Variants in NR3C2 observed in about 807,000 individuals in gnomAD.
NR3C2 encodes nuclear receptor subfamily 3 group C member 2.
A neutral mutation model predicts 86.4 loss-of-function variants in NR3C2; 15 were observed. The observed-to-expected ratio is 0.17, with a 90% CI of 0.12 to 0.27. The LOEUF (loss-of-function observed/expected upper bound fraction) is 0.27. Among genes scored for constraint, NR3C2 ranks in the 10% least tolerant of loss-of-function variants. NR3C2 has a pLI of 1.00. For synonymous variants in NR3C2, 458 were observed against 450.5 expected (o/e 1.02, Z -0.21); for missense variants, 960 against 1,195.6 (o/e 0.80, Z 2.91).
rs1354579980 is a variant in NR3C2, at chr4:148,436,797, C to T, written c.64G>A (p.Val22Ile). 1 of 1,613,252 alleles carries T rather than the reference C, an allele frequency of 6.2e-7. No individual in the cohort carries two copies. Among genetic ancestry groups the T allele is most frequent in the African/African-American group, 1.3e-5 (1 of 74,906 alleles). ...GLDMERRWGQ[V>I]SQAVERSSLG... The stretch of plus-strand genomic sequence containing the variant: ...GAAGAACGCTCCACAGCCTGAGAAA[C>T]TTGACCCCACCGTCTTTCCATATCT... Residue 22 changes from valine to isoleucine, a missense_variant, in exon 2 of 9, where the codon GTT becomes ATT. Physicochemically the swap from Val to Ile is conservative, Grantham distance 29. Transcript: ENST00000358102.
chr4:148,341,681 T>C (rs1322633800), intron 2 of NR3C2, among the ~76,000 whole-genome samples: 1 of 152,106 alleles, frequency 6.6e-6, no homozygotes, highest in Admixed American at 6.5e-5. Context: ...TCATTACACA[T>C]TGTATGCATA....
intron 3 of NR3C2, among the ~76,000 whole-genome samples, chr4:148,202,109 C>G (rs1442784979): frequency 6.6e-6 from 1 of 152,200 alleles, no homozygotes; most frequent in Admixed American, 6.5e-5. Context: ...ACATTGGGAA[C>G]ATAGCCTTTT....
intron 8 of NR3C2, among the ~76,000 whole-genome samples, chr4:148,082,950 A>G (rs967261091): frequency 6.6e-6 from 1 of 152,004 alleles, no homozygotes; most frequent in African/African-American, 2.4e-5. Flanking sequence ...CAGTGTAAAC[A>G]GAGCCACCGG....
intron 8 of NR3C2, among the ~76,000 whole-genome samples, chr4:148,100,514 T>C (rs1036050621): frequency 5.3e-5 from 8 of 152,158 alleles, no homozygotes; most frequent in Admixed American, 4.6e-4. Context: ...AAAACTACAA[T>C]GAGTTACCAC....
chr4:148,202,199 C>T (rs1323027517), intron 3 of NR3C2, among the ~76,000 whole-genome samples: 2 of 152,228 alleles, frequency 1.3e-5, no homozygotes, highest in Admixed American at 6.5e-5. Context: ...CAGATTCCTT[C>T]CCGTCCCCAC....
At chr4:148,408,715 A>G (rs980601436) in intron 2 of NR3C2, among the ~76,000 whole-genome samples, 1 of 152,188 alleles carries the variant, frequency 6.6e-6, no homozygotes, top group African/African-American at 2.4e-5. Context: ...ACAGAAAATA[A>G]AAGTGTTAAG....
intron 2 of NR3C2, among the ~76,000 whole-genome samples, chr4:148,425,364 G>C (rs1339267457): frequency 1.3e-5 from 2 of 152,186 alleles, no homozygotes; most frequent in African/African-American, 4.8e-5. Context: ...GCTATGAAGA[G>C]AGACAAAGAA....
intron 2 of NR3C2, among the ~76,000 whole-genome samples, chr4:148,285,258 TTCTAA>T (rs1156416867): frequency 2.6e-5 from 4 of 152,228 alleles, no homozygotes; most frequent in Non-Finnish European, 4.4e-5. Flanking sequence ...ATTTAGGGTC[TTCTAA>T]TCAGTAACTT....
chr4:148,442,662 C>T, upstream of NR3C2: 1 of 985,470 alleles, frequency 1.0e-6, no homozygotes, highest in Non-Finnish European at 1.2e-6. Flanking sequence ...TGTCAGTCAC[C>T]AGGCGGGCGA....
intron 4 of NR3C2, among the ~76,000 whole-genome samples, chr4:148,172,688 A>T (rs1212059807): frequency 6.6e-6 from 1 of 152,216 alleles, no homozygotes; most frequent in East Asian, 1.9e-4. Flanking sequence ...TTCAATAAGC[A>T]TTTATTAAGC....
At chr4:148,159,472 G>A (rs1734556629) in intron 4 of NR3C2, among the ~76,000 whole-genome samples, 1 of 152,086 alleles carries the variant, frequency 6.6e-6, no homozygotes, top group South Asian at 2.1e-4. Flanking sequence ...CAGTTCAAAA[G>A]AGCTTTTACT....
intron 2 of NR3C2, among the ~76,000 whole-genome samples, chr4:148,296,969 G>T (rs1362042784): frequency 6.6e-6 from 1 of 152,136 alleles, no homozygotes; most frequent in African/African-American, 2.4e-5. Flanking sequence ...ATCCAGTAAA[G>T]TAGTCACTAG....
At chr4:148,323,636 G>T (rs1490840166) in intron 2 of NR3C2, among the ~76,000 whole-genome samples, 2 of 152,030 alleles carry the variant, frequency 1.3e-5, no homozygotes, top group African/African-American at 4.8e-5. Flanking sequence ...GGAGTGACCC[G>T]ATTTTCCAGA....
At chr4:148,311,906 A>G (rs369783356) in intron 2 of NR3C2, among the ~76,000 whole-genome samples, 4 of 152,200 alleles carry the variant, frequency 2.6e-5, no homozygotes, top group Admixed American at 1.3e-4. Context: ...TTGTACAACT[A>G]TCTCCTTTAC....
At chr4:148,173,894 G>A (rs1014766055) in intron 4 of NR3C2, among the ~76,000 whole-genome samples, 14 of 152,180 alleles carry the variant, frequency 9.2e-5, no homozygotes, top group African/African-American at 3.1e-4. Flanking sequence ...GAGGGCTGGG[G>A]AGGCAGGTAT....
chr4:148,154,111 C>A (rs372995077), intron 5 of NR3C2, among the ~76,000 whole-genome samples: 5 of 151,466 alleles, frequency 3.3e-5, no homozygotes, highest in Non-Finnish European at 5.9e-5. Context: ...CAGGTTCAAG[C>A]GATTCTCCTG....
chr4:148,237,986 T>C (rs1331515850), intron 3 of NR3C2, among the ~76,000 whole-genome samples: 1 of 152,154 alleles, frequency 6.6e-6, no homozygotes, highest in East Asian at 1.9e-4. Flanking sequence ...GAAACCTCAA[T>C]ATAGCTTTTC....
intron 2 of NR3C2, among the ~76,000 whole-genome samples, chr4:148,268,436 T>C (rs1180480254): frequency 1.3e-5 from 2 of 152,188 alleles, no homozygotes; most frequent in South Asian, 4.1e-4. Flanking sequence ...GCACTACAGA[T>C]AAGAATTAAA....
intron 8 of NR3C2, among the ~76,000 whole-genome samples, chr4:148,093,284 G>A (rs567266254): frequency 5.3e-5 from 8 of 152,288 alleles, no homozygotes; most frequent in African/African-American, 1.4e-4. Context: ...GCAGGCCAGC[G>A]GCCACTCCCC....
Sources: allele counts gnomAD v4.1 joint callset (sites outside exome capture counted in the v4.1 genomes callset), GRCh38; gene constraint gnomAD v4.1.1; transcripts MANE v1.5; gene names NCBI Gene and HGNC (gene_info 2026-07-23, HGNC 2026-07-21).